The following OGDHL variants were observed in gnomAD, a reference collection of about 807,000 sequenced individuals.
OGDHL encodes oxoglutarate dehydrogenase L, also known as 2-oxoglutarate dehydrogenase-like, mitochondrial.
A neutral mutation model predicts 109.6 loss-of-function variants in OGDHL; 79 were observed. The observed-to-expected ratio is 0.72, with a 90% CI of 0.60 to 0.87. The LOEUF (loss-of-function observed/expected upper bound fraction) is 0.87, where lower values mean the gene tolerates loss of function less well. Ranked by LOEUF, OGDHL falls within the 40% of genes least tolerant of loss-of-function variation. The pLI is 0.00. For missense variants in OGDHL, 1,275 were observed against 1,362.2 expected, an observed-to-expected ratio of 0.94 and a Z score of 1.01; for synonymous variants, 528 against 537.2, an observed-to-expected ratio of 0.98 and a Z score of 0.24.
intron 3 of OGDHL, among the ~76,000 whole-genome samples, chr10:49,754,665 A>C (rs980871979): frequency 7.8e-6 from 1 of 127,872 alleles, no homozygotes; most frequent in Non-Finnish European, 1.6e-5. Flanking sequence ...CACCACCAGG[A>C]AGCTGATTTT....
chr10:49,742,775 C>A (rs1841875658), intron 15 of OGDHL, 53 bp downstream of exon 15: 2 of 1,571,402 alleles, frequency 1.3e-6, no homozygotes, highest in African/African-American at 1.3e-5. Context: ...CCAAGCCAGG[C>A]CCAGCTTCTG....
Position 49,746,892 on chromosome 10 carries a change from G to A in OGDHL, c.1168-14C>T. ...GATGGACATGACCTGCAGGGCAGGT[G>A]TGAGCCAGGAGGGGCTGCGTGCCCC... On this transcript the variant is annotated splice_polypyrimidine_tract_variant and intron_variant, in intron 9 of 22. Coordinates refer to ENST00000374103, the MANE Select transcript of OGDHL (RefSeq NM_018245.3). 1 of 1,614,044 alleles carries A rather than the reference G, an allele frequency of 6.2e-7. No individual in the cohort carries two copies. Among genetic ancestry groups the A allele is most frequent in the Non-Finnish European group, 8.5e-7 (1 of 1,179,942 alleles).
Position 49,749,819 on chromosome 10 carries a change from G to T in OGDHL, c.897-3C>A. The T allele has an allele frequency of 6.3e-7, 1 of 1,587,094 alleles. No homozygotes were observed. ...TGGCCAGCACGTTCAGCCTTCCCCT[G>T]GAGCCAGAGGGGCCGGGCTCTCACC... On this transcript the variant is annotated splice_polypyrimidine_tract_variant and splice_region_variant and intron_variant, in intron 7 of 22. Coordinates refer to ENST00000374103, the MANE Select transcript of OGDHL (RefSeq NM_018245.3).
chr10:49,746,644 A>C, intron 10 of OGDHL, 106 bp downstream of exon 10: 1 of 1,436,354 alleles, frequency 7.0e-7, no homozygotes, highest in Middle Eastern at 1.8e-4. Flanking sequence ...TAAGCAGCAC[A>C]GCAGTGGGCT....
rs1314192092 is a variant in OGDHL, at chr10:49,752,690, T to TCCTGG, written c.425_426insCCAGG (p.Asp143GlnfsTer12). 6.2e-7 allele frequency: 1 copy of TCCTGG among 1,614,180 alleles called. No homozygotes were observed. The highest frequency in any genetic ancestry group is 8.5e-7 in the Non-Finnish European group (1 of 1,180,012). Reference sequence around the variant, plus strand: ...CTGAGGGCACAAAGGAGTCCAGGTCTGCATCCAGAATGCCCAGGGGGTCCA... The same window carrying TCCTGG: ...CTGAGGGCACAAAGGAGTCCAGGTCTCCTGGGCATCCAGAATGCCCAGGGGGTCCA... On this transcript the variant is annotated frameshift_variant, in exon 4 of 23. Transcript: ENST00000374103. LOFTEE classifies it high-confidence loss of function.
chr10:49,755,007 G>T (rs1303661869), intron 3 of OGDHL, among the ~76,000 whole-genome samples: 2 of 152,300 alleles, frequency 1.3e-5, no homozygotes, highest in African/African-American at 2.4e-5. Context: ...ACTTTGGGAG[G>T]CCAAGGCGGG....
chr10:49,736,459 C>A lies in OGDHL; in HGVS notation c.2652G>T (p.Val884=). 1 of 1,614,034 alleles carries A rather than the reference C, an allele frequency of 6.2e-7. No individual in the cohort carries two copies. The highest frequency in any genetic ancestry group is 8.5e-7 in the Non-Finnish European group (1 of 1,180,024). Residue 884 remains valine, a synonymous_variant, in exon 21 of 23, where the codon GTG becomes GTT. Transcript: ENST00000374103. The stretch of plus-strand genomic sequence containing the variant: ...TTCCCGTGCAGAAGATGAGCCGCTG[C>A]ACCTGCTCAGGGGCCCGTGCTGCGG... ...DGAAARAPEQ[V]QRLIFCTGKV...
chr10:49,740,648 A>C, intron 16 of OGDHL, 62 bp downstream of exon 16: 2 of 1,572,780 alleles, frequency 1.3e-6, no homozygotes, highest in Middle Eastern at 1.8e-4. Context: ...GTCCCTTCCC[A>C]GCCCATCTCT....
At chr10:49,760,333 C>T (rs537413154) in intron 1 of OGDHL, among the ~76,000 whole-genome samples, 23 of 152,180 alleles carry the variant, frequency 1.5e-4, no homozygotes, top group Admixed American at 3.9e-4. Context: ...CACTTGGGGC[C>T]GGCTCCTCTG....
rs749521045 is a variant in OGDHL, at chr10:49,744,738, T to A, written c.1644A>T (p.Lys548Asn). The A allele has an allele frequency of 6.2e-7, 1 of 1,614,034 alleles. No individual in the cohort carries two copies. The highest frequency in any genetic ancestry group is 8.5e-7 in the Non-Finnish European group (1 of 1,180,008). ...TLQEFEEEIA[K>N]YDRICEEAYG... ...AAGCCTCCTCACAGATCCGGTCGTA[T>A]TTGGCAATTTCTTCCTGGAATCAGG... The change falls in exon 13 of 23, where the codon AAA becomes AAT. Residue 548 changes from lysine (K) to asparagine (N), a missense_variant. Lys to Asn is a moderately conservative substitution (Grantham distance 94). Coordinates refer to ENST00000374103, the MANE Select transcript of OGDHL (RefSeq NM_018245.3).
intron 1 of OGDHL, among the ~76,000 whole-genome samples, chr10:49,761,937 C>G (rs1843314964): frequency 6.6e-6 from 1 of 152,228 alleles, no homozygotes; most frequent in South Asian, 2.1e-4. Context: ...AGGCGCGGGG[C>G]AGTCTGAAGT....
At chr10:49,751,744 T>C in intron 6 of OGDHL, 83 bp downstream of exon 6, 1 of 1,522,658 alleles carries the variant, frequency 6.6e-7, no homozygotes, top group Non-Finnish European at 8.9e-7. Context: ...GGTACCCTCC[T>C]GCTCTCTTAG....
chr10:49,749,392 G>A (rs1042368950), intron 8 of OGDHL, among the ~76,000 whole-genome samples: 3 of 152,144 alleles, frequency 2.0e-5, no homozygotes, highest in African/African-American at 7.2e-5. Context: ...CCTGGCTGGT[G>A]GACAGGACTT....
intron 20 of OGDHL, among the ~76,000 whole-genome samples, chr10:49,736,999 T>C (rs1841245390): frequency 6.6e-6 from 1 of 152,178 alleles, no homozygotes; most frequent in Admixed American, 6.5e-5. Flanking sequence ...CCTGAGCCCA[T>C]GATCCTGACC....
At chr10:49,755,793 G>A (rs959579474) in intron 3 of OGDHL, among the ~76,000 whole-genome samples, 40 of 152,158 alleles carry the variant, frequency 2.6e-4, no homozygotes, top group African/African-American at 8.4e-4. Context: ...TAAGGCCCTC[G>A]GGCAGCACCC....
intron 18 of OGDHL, 39 bp from the exon 19 acceptor site, chr10:49,738,111 G>A (rs1841350297): frequency 1.2e-6 from 2 of 1,613,982 alleles, no homozygotes; most frequent in Non-Finnish European, 1.7e-6. Flanking sequence ...GTGGCTGTCT[G>A]CTGCACCCAC....
intron 2 of OGDHL, among the ~76,000 whole-genome samples, chr10:49,757,474 T>G (rs1842984990): frequency 6.6e-6 from 1 of 152,232 alleles, no homozygotes; most frequent in Non-Finnish European, 1.5e-5. Context: ...ATCAAAATTA[T>G]ACACAGCCAC....
At position 49,749,733 on chromosome 10, in the gene OGDHL, G is replaced by A. The variant is rs775987454; in HGVS notation, c.980C>T (p.Ala327Val). The A allele has an allele frequency of 1.0e-5, 16 of 1,589,388 alleles. No homozygotes were observed. Among genetic ancestry groups the A allele is most frequent in the Middle Eastern group, 1.7e-4 (1 of 6,056 alleles). Reference sequence around the variant, plus strand: ...CCTGGGCATGGCACCCACCTCGTCCGCCGCCTCCAGCTTGGGGTCAAACTG... The same window carrying A: ...CCTGGGCATGGCACCCACCTCGTCCACCGCCTCCAGCTTGGGGTCAAACTG... Reference protein sequence around the residue: ...FCQFDPKLEAADEGSGDVKYH... With the variant: ...FCQFDPKLEAVDEGSGDVKYH... Residue 327 changes from alanine (A) to valine (V), a missense_variant, in exon 8 of 23, where the codon GCG becomes GTG. Physicochemically the swap from Ala to Val is moderately conservative, Grantham distance 64 (BLOSUM62 0). Transcript: ENST00000374103.
chr10:49,752,065 C>T (rs1842637436), intron 5 of OGDHL, 68 bp downstream of exon 5: 1 of 1,607,886 alleles, frequency 6.2e-7, no homozygotes, highest in Admixed American at 1.7e-5. Context: ...AAAGACAGTG[C>T]CTTCCCGTCC....
Sources: gnomAD v4.1 joint callset for allele counts (sites outside exome capture counted in the v4.1 genomes callset) on GRCh38, gnomAD v4.1.1 for gene constraint, MANE v1.5 for transcripts, NCBI Gene and HGNC (gene_info 2026-07-23, HGNC 2026-07-21) for gene names.